EYS: variants seen among roughly 807,000 people sequenced by gnomAD.
EYS encodes the protein protein eyes shut homolog.
In EYS, 250 loss-of-function variants were observed where a neutral mutation model predicts 282.1. That is an observed-to-expected ratio of 0.89 (90% CI 0.80 to 0.98). The LOEUF (loss-of-function observed/expected upper bound fraction) is 0.98, where lower values mean the gene tolerates loss of function less well. Ranked by LOEUF, EYS falls within the 50% of genes least tolerant of loss-of-function variation. The pLI, the probability that EYS is intolerant of heterozygous loss-of-function variation, is 0.00. For missense variants in EYS, 4,016 were observed against 3,709.0 expected (o/e 1.08, Z -2.15); for synonymous variants, 1,355 against 1,282.9 (o/e 1.06, Z -1.20).
chr6:63,968,593 T>C (rs1015289730), intron 35 of EYS, among the ~76,000 whole-genome samples: 1 of 152,212 alleles, frequency 6.6e-6, no homozygotes, highest in African/African-American at 2.4e-5. Flanking sequence ...CAATTTCAGT[T>C]TGAATATTAG....
chr6:64,028,996 T>C lies in EYS; in HGVS notation c.6726-29813A>G, dbSNP rs184825715. Among the ~76,000 whole-genome samples, 9 of 152,256 alleles carry C rather than the reference T, an allele frequency of 5.9e-5. No individual in the cohort carries two copies. In the East Asian group the frequency reaches 1.2e-3, roughly 20 times the overall value. On this transcript the variant is annotated intron_variant, in intron 33 of 42. Transcript: ENST00000503581. ...AAGACATTAAAACAGTTGAGGGGGT[T>C]CCTTGGAATTACTGGCTTTTGTGGA... is the stretch of plus-strand genomic sequence containing the variant.
At chr6:64,847,022 T>C (rs1269409833) in intron 19 of EYS, among the ~76,000 whole-genome samples, 1 of 142,830 alleles carries the variant, frequency 7.0e-6, no homozygotes. Flanking sequence ...TGTGAATGAA[T>C]GCCCATCATC....
At chr6:63,876,592 A>T (rs558417233) in intron 35 of EYS, among the ~76,000 whole-genome samples, 1 of 152,256 alleles carries the variant, frequency 6.6e-6, no homozygotes, top group African/African-American at 2.4e-5. Context: ...TCCCATTATT[A>T]TGGTGTGGGA....
intron 29 of EYS, among the ~76,000 whole-genome samples, chr6:64,311,716 C>T (rs1450169892): frequency 6.6e-6 from 1 of 152,132 alleles, no homozygotes; most frequent in Non-Finnish European, 1.5e-5. Flanking sequence ...GGGTACAGCC[C>T]ACAGCAAGCC....
chr6:64,713,752 G>A (rs1771286010), intron 22 of EYS, among the ~76,000 whole-genome samples: 3 of 152,042 alleles, frequency 2.0e-5, no homozygotes, highest in Admixed American at 2.0e-4. Flanking sequence ...CTATGTAACA[G>A]CCACTTAATA....
rs545355324 is a variant in EYS at position 64,028,897 on chromosome 6, G to T, written c.6726-29714C>A. Among the ~76,000 whole-genome samples, 399 of 152,288 alleles carry T rather than the reference G, an allele frequency of 2.6e-3. 1 individual carries two copies. The highest frequency in any genetic ancestry group is 9.2e-3 in the African/African-American group (384 of 41,554). On this transcript the variant is annotated intron_variant, in intron 33 of 42. Coordinates refer to ENST00000503581, the MANE Select transcript of EYS (RefSeq NM_001142800.2). ...TGCCTACAGCATGTCAAATATCTAG[G>T]CCTAATCTTAGCCAGAGGGACCAGG...
intron 9 of EYS, among the ~76,000 whole-genome samples, chr6:65,349,314 G>C (rs1328761161): frequency 6.6e-6 from 1 of 151,472 alleles, no homozygotes; most frequent in Non-Finnish European, 1.5e-5. Context: ...CACTTTTGCA[G>C]AGTACACTTG....
At chr6:64,167,797 C>T (rs1276771602) in intron 31 of EYS, among the ~76,000 whole-genome samples, 3 of 152,044 alleles carry the variant, frequency 2.0e-5, no homozygotes, top group African/African-American at 7.2e-5. Flanking sequence ...TATTAAACCA[C>T]ACAATATAAA....
At chr6:65,108,700 T>C (rs1347841585) in intron 12 of EYS, among the ~76,000 whole-genome samples, 1 of 152,190 alleles carries the variant, frequency 6.6e-6, no homozygotes, top group Non-Finnish European at 1.5e-5. Context: ...GTCTACTTCA[T>C]GTTTGACTAA....
intron 19 of EYS, among the ~76,000 whole-genome samples, chr6:64,883,782 C>T (rs1395834299): frequency 6.6e-6 from 1 of 151,412 alleles, no homozygotes; most frequent in Non-Finnish European, 1.5e-5. Context: ...TGATCATATG[C>T]CATCACTTGT....
intron 2 of EYS, among the ~76,000 whole-genome samples, chr6:65,595,387 G>A (rs1765370666): frequency 1.3e-5 from 2 of 151,816 alleles, no homozygotes; most frequent in Admixed American, 1.3e-4. Context: ...GTTAATGGGT[G>A]CAGCACACCA....
intron 12 of EYS, among the ~76,000 whole-genome samples, chr6:65,233,568 T>C (rs1766845727): frequency 6.6e-6 from 1 of 152,160 alleles, no homozygotes; most frequent in Non-Finnish European, 1.5e-5. Context: ...TGGATATGTG[T>C]GTGTGGCTTG....
chr6:65,296,079 C>T lies in EYS; in HGVS notation c.1807G>A (p.Val603Ile), dbSNP rs1235872292. Residue 603 changes from valine to isoleucine, a missense_variant, in exon 12 of 43, where the codon GTC becomes ATC. Val to Ile is a conservative substitution (Grantham distance 29). Coordinates refer to ENST00000503581, the MANE Select transcript of EYS (RefSeq NM_001142800.2). ...SLSYIGRLCV[V>I]NVDYCLGNHS... is the part of the protein sequence containing the mutation. ...TTCCCTAAGCAATAGTCAACATTGA[C>T]AACACACAATCTGCCAATGTAACTA... 1.9e-6 allele frequency: 3 copies of T among 1,550,176 alleles called. No individual in the cohort carries two copies. Among genetic ancestry groups the T allele is most frequent in the East Asian group, 2.4e-5 (1 of 40,852 alleles).
At chr6:64,583,624 C>T (rs1302182715) in intron 26 of EYS, among the ~76,000 whole-genome samples, 3 of 152,048 alleles carry the variant, frequency 2.0e-5, no homozygotes, top group African/African-American at 7.2e-5. Flanking sequence ...GGAGAAACCC[C>T]ATCTCTACTA....
chr6:64,764,409 T>A (rs1476073100), intron 22 of EYS, among the ~76,000 whole-genome samples: 1 of 152,190 alleles, frequency 6.6e-6, no homozygotes, highest in African/African-American at 2.4e-5. Flanking sequence ...TGTTGGCCCT[T>A]TTTAGCTGTG....
At chr6:64,371,686 T>C (rs1275950038) in intron 29 of EYS, among the ~76,000 whole-genome samples, 1 of 152,226 alleles carries the variant, frequency 6.6e-6, no homozygotes, top group Non-Finnish European at 1.5e-5. Flanking sequence ...TCTATGAATC[T>C]GAATGCTCCT....
chr6:64,136,384 A>G (rs1774162244), intron 31 of EYS, among the ~76,000 whole-genome samples: 1 of 152,014 alleles, frequency 6.6e-6, no homozygotes, highest in Non-Finnish European at 1.5e-5. Flanking sequence ...TGATATTTTG[A>G]CCCCTTCCCA....
intron 12 of EYS, among the ~76,000 whole-genome samples, chr6:65,254,577 G>A (rs1767410887): frequency 6.6e-6 from 1 of 151,764 alleles, no homozygotes; most frequent in Non-Finnish European, 1.5e-5. Flanking sequence ...AAGTTATTGT[G>A]GAAAGATTAA....
At chr6:64,628,506 C>G (rs1036074583) in intron 22 of EYS, among the ~76,000 whole-genome samples, 2 of 152,056 alleles carry the variant, frequency 1.3e-5, no homozygotes, top group African/African-American at 4.8e-5. Flanking sequence ...ATATAAAACT[C>G]AAAGTAATCC....
Sources: allele counts gnomAD v4.1 joint callset (sites outside exome capture counted in the v4.1 genomes callset), GRCh38; gene constraint gnomAD v4.1.1; transcripts MANE v1.5; gene names NCBI Gene and HGNC (gene_info 2026-07-23, HGNC 2026-07-21).